GLP1R: variants seen among roughly 807,000 people sequenced by gnomAD.
GLP1R encodes the protein glucagon-like peptide 1 receptor.
GLP1R carries 32 observed loss-of-function variants against 68.4 expected under a neutral mutation model. The observed-to-expected ratio is 0.47, with a 90% CI of 0.35 to 0.63. The LOEUF is 0.63. Among genes scored for constraint, GLP1R ranks in the 20% least tolerant of loss-of-function variants. The pLI, the probability that GLP1R is intolerant of heterozygous loss-of-function variation, is 0.00. For missense variants in GLP1R, 502 were observed against 594.9 expected (o/e 0.84, Z 1.62); for synonymous variants, 263 against 244.4 (o/e 1.08, Z -0.71).
intron 3 of GLP1R, among the ~76,000 whole-genome samples, chr6:39,059,272 G>A (rs1768294290): frequency 6.6e-6 from 1 of 152,238 alleles, no homozygotes; most frequent in Non-Finnish European, 1.5e-5. Flanking sequence ...TTCAGATGGG[G>A]AAACTAAGGC....
At chr6:39,085,145 G>A (rs1185942691) in intron 12 of GLP1R, among the ~76,000 whole-genome samples, 2 of 152,064 alleles carry the variant, frequency 1.3e-5, no homozygotes, top group Non-Finnish European at 2.9e-5. Flanking sequence ...TCAAGGGATG[G>A]GGGCTCCACA....
chr6:39,058,642 TATCATC>T (rs112102888), intron 3 of GLP1R, among the ~76,000 whole-genome samples: 25 of 149,994 alleles, frequency 1.7e-4, no homozygotes, highest in Non-Finnish European at 3.1e-4. Context: ...GATATTTCCC[TATCATC>T]ATCATCATCA....
rs1427952004 is a variant in GLP1R at position 39,091,084 on chromosome 6, G to T, written c.*5011G>T. Among the ~76,000 whole-genome samples the T allele has an allele frequency of 6.6e-6, 1 of 152,180 alleles. No homozygotes were observed. The highest frequency in any genetic ancestry group is 1.5e-5 in the Non-Finnish European group (1 of 68,034). On this transcript the variant is annotated 3_prime_UTR_variant, in exon 13 of 13. Transcript: ENST00000373256. ...CAAGCTCTCAGGAGGGACAAAGATA[G>T]ATTTCTATCTTCAGTGCTCTTGGGG...
At chr6:39,057,436 A>G (rs777548822) in intron 2 of GLP1R, 36 bp from the exon 3 acceptor site, 2 of 1,374,776 alleles carry the variant, frequency 1.5e-6, no homozygotes, top group South Asian at 1.2e-5. Context: ...GGCCAGTCAC[A>G]AGCAGGGACT....
intron 7 of GLP1R, among the ~76,000 whole-genome samples, chr6:39,076,972 C>A (rs1395250037): frequency 3.3e-5 from 5 of 152,178 alleles, no homozygotes; most frequent in Non-Finnish European, 7.3e-5. Flanking sequence ...GGCATTGAGG[C>A]TCTGAAGGTG....
intron 1 of GLP1R, among the ~76,000 whole-genome samples, chr6:39,054,870 C>A (rs1212395826): frequency 1.3e-5 from 2 of 152,234 alleles, no homozygotes; most frequent in Non-Finnish European, 2.9e-5. Flanking sequence ...GGGGTTGATC[C>A]ACCAGGACTT....
chr6:39,073,090 G>A, intron 6 of GLP1R, 75 bp downstream of exon 6: 5 of 1,374,658 alleles, frequency 3.6e-6, no homozygotes, highest in Non-Finnish European at 5.1e-6. Flanking sequence ...CCCTAGACAG[G>A]CCTGGGACAG....
intron 12 of GLP1R, among the ~76,000 whole-genome samples, chr6:39,084,047 A>G (rs541666153): frequency 8.3e-4 from 127 of 152,238 alleles, no homozygotes; most frequent in African/African-American, 3.0e-3. Flanking sequence ...AGGTGCTCCC[A>G]GGTGAGAGGT....
chr6:39,070,568 C>T (rs1434655808), intron 5 of GLP1R, among the ~76,000 whole-genome samples: 5 of 152,224 alleles, frequency 3.3e-5, no homozygotes, highest in African/African-American at 4.8e-5. Context: ...TTTACCCTCT[C>T]ATCAGTAATA....
intron 3 of GLP1R, among the ~76,000 whole-genome samples, chr6:39,059,428 G>A (rs1318637448): frequency 6.6e-6 from 1 of 152,164 alleles, no homozygotes. Context: ...CTCTGGCCTG[G>A]AGACAGGTGA....
chr6:39,075,097 C>T (rs938878495), intron 7 of GLP1R, among the ~76,000 whole-genome samples: 3 of 152,206 alleles, frequency 2.0e-5, no homozygotes, highest in Admixed American at 2.0e-4. Flanking sequence ...GCCATCATGC[C>T]CTGTTCTCTT....
intron 12 of GLP1R, among the ~76,000 whole-genome samples, chr6:39,081,455 C>G (rs1034524372): frequency 3.3e-5 from 5 of 152,234 alleles, no homozygotes; most frequent in Non-Finnish European, 5.9e-5. Flanking sequence ...CCCACACACT[C>G]TCCTGAAAAT....
chr6:39,069,495 C>T (rs1282606170), intron 5 of GLP1R, among the ~76,000 whole-genome samples: 20 of 152,100 alleles, frequency 1.3e-4, no homozygotes, highest in African/African-American at 2.2e-4. Flanking sequence ...TAGCTGGGTG[C>T]GGTGGCGGGC....
Position 39,078,956 on chromosome 6 carries a change from G to C in GLP1R, c.885-1G>C. 6.2e-7 allele frequency: 1 copy of C among 1,613,760 alleles called. No individual in the cohort carries two copies. The highest frequency in any genetic ancestry group is 8.5e-7 in the Non-Finnish European group (1 of 1,179,678). ...ATGTGTGCATCTCTCTCCCTCCCCA[G>C]CTGCTGGACCAGGAACTCCAACATG... On this transcript the variant is annotated splice_acceptor_variant, in intron 8 of 12. Coordinates refer to ENST00000373256, the MANE Select transcript of GLP1R (RefSeq NM_002062.5). LOFTEE classifies it high-confidence loss of function.
rs1418481400 is a variant in GLP1R, at chr6:39,090,301, A to G, written c.*4228A>G. ...AGCAGATAAGCATAATTGTTTTCCA[A>G]TAACTCCCCAAGTCTCTTGGAATAT... On this transcript the variant is annotated 3_prime_UTR_variant, in exon 13 of 13. Coordinates refer to ENST00000373256, the MANE Select transcript of GLP1R (RefSeq NM_002062.5). Among the ~76,000 whole-genome samples, 1 of 152,238 alleles carries G rather than the reference A, an allele frequency of 6.6e-6. No homozygotes were observed. The highest frequency in any genetic ancestry group is 1.5e-5 in the Non-Finnish European group (1 of 68,044).
chr6:39,062,708 G>A (rs558525121), intron 3 of GLP1R, among the ~76,000 whole-genome samples: 265 of 152,354 alleles, frequency 1.7e-3, no homozygotes, highest in East Asian at 7.7e-4. Context: ...TTAACAGCAA[G>A]TTTGGCTGCT....
At chr6:39,072,051 A>C (rs1008324599) in intron 5 of GLP1R, among the ~76,000 whole-genome samples, 2 of 152,254 alleles carry the variant, frequency 1.3e-5, no homozygotes, top group African/African-American at 4.8e-5. Context: ...TTTACTTTTA[A>C]ATTTTTTTAA....
At chr6:39,051,063 C>G (rs1288735173) in intron 1 of GLP1R, among the ~76,000 whole-genome samples, 1 of 152,148 alleles carries the variant, frequency 6.6e-6, no homozygotes, top group Non-Finnish European at 1.5e-5. Context: ...AGGCTCATTC[C>G]CCTACCCTGG....
Position 39,056,387 on chromosome 6 carries a change from C to A in GLP1R, c.79-10C>A. On this transcript the variant is annotated splice_polypyrimidine_tract_variant and intron_variant, in intron 1 of 12. Transcript: ENST00000373256. Reference sequence around the variant, plus strand: ...AACCCACAGGCCTCCCATATATGCCCTCCCCCCAGGGTGCCACTGTGTCCC... The same window carrying A: ...AACCCACAGGCCTCCCATATATGCCATCCCCCCAGGGTGCCACTGTGTCCC... The A allele has an allele frequency of 2.0e-6, 3 of 1,514,742 alleles. No individual in the cohort carries two copies. Among genetic ancestry groups the A allele is most frequent in the Non-Finnish European group, 2.8e-6 (3 of 1,090,688 alleles). The allele number at this position is 1,514,742 out of a possible 1,614,324, so 93.8% of individuals were successfully genotyped here.
Sources: gnomAD v4.1 joint callset for allele counts (sites outside exome capture counted in the v4.1 genomes callset) on GRCh38, gnomAD v4.1.1 for gene constraint, MANE v1.5 for transcripts, NCBI Gene and HGNC (gene_info 2026-07-23, HGNC 2026-07-21) for gene names.